Variants in USP9Y observed in about 807,000 individuals in gnomAD.
USP9Y encodes ubiquitin specific peptidase 9 Y-linked, also known as ubiquitin carboxyl-terminal hydrolase 9Y.
A neutral mutation model predicts 53.1 loss-of-function variants in USP9Y; 41 were observed. The ratio of observed to expected loss-of-function variants is 0.77; its 90% CI spans 0.60 to 1.00. The LOEUF (loss-of-function observed/expected upper bound fraction) is 1.00, where lower values mean the gene tolerates loss of function less well. USP9Y is among the 50% of genes least tolerant of loss of function. The pLI is 0.00. For missense variants in USP9Y, 567 were observed against 535.8 expected (o/e 1.06, Z -0.58); for synonymous variants, 220 against 173.7 (o/e 1.27, Z -2.09).
intron 12 of USP9Y, among the ~76,000 whole-genome samples, chrY:12,744,832 G>A: frequency 3.0e-5 from 1 of 33,563 alleles, no homozygotes; most frequent in Non-Finnish European, 7.4e-5. Context: ...TGCCTGTTAA[G>A]ATTTTGGGTG....
chrY:12,778,024 T>A lies in USP9Y; in HGVS notation c.2645T>A (p.Phe882Tyr). The A allele has an allele frequency of 2.5e-6, 1 of 393,727 alleles. No individual in the cohort carries two copies. Among genetic ancestry groups the A allele is most frequent in the Non-Finnish European group, 3.6e-6 (1 of 280,839 alleles). ...TTTACTTATTTATTTTTCAGAGCAT[T>A]TCGTGGCAAACACCTCTCTCTTATA... The part of the protein sequence containing the change: ...ERMILPMSRA[F>Y]RGKHLSLIVR... Residue 882 changes from phenylalanine (F) to tyrosine (Y), a missense_variant, in exon 20 of 46, where the codon TTT (phenylalanine) becomes TAT (tyrosine). By Grantham distance (22) the Phe-to-Tyr change is conservative (BLOSUM62 3). Transcript: ENST00000338981.
At chrY:12,808,476 A>G (rs2148288657) in intron 27 of USP9Y, among the ~76,000 whole-genome samples, 4 of 33,465 alleles carry the variant, frequency 1.2e-4, no homozygotes, top group Non-Finnish European at 3.0e-4. Flanking sequence ...ACACCACAAG[A>G]CTTTCCTACC....
Position 12,810,808 on chromosome Y carries a change from A to G in USP9Y, c.4229A>G (p.Lys1410Arg). 1 of 397,716 alleles carries G rather than the reference A, an allele frequency of 2.5e-6. No individual in the cohort carries two copies. Among genetic ancestry groups the G allele is most frequent in the Non-Finnish European group, 3.5e-6 (1 of 282,621 alleles). Reference protein sequence around the residue: ...VLLVSEIDWLKRIRDNVKNTG... With the variant: ...VLLVSEIDWLRRIRDNVKNTG... ...CTTGTCAGTGAAATTGATTGGCTCAAAAGGATTAGGGTAAGTTGAATAGTA... is the reference window on the plus strand; with the variant it reads ...CTTGTCAGTGAAATTGATTGGCTCAGAAGGATTAGGGTAAGTTGAATAGTA... Residue 1410 changes from lysine (K) to arginine (R), a missense_variant, in exon 29 of 46, where the codon AAA becomes AGA. By Grantham distance (26) the Lys-to-Arg change is conservative. Coordinates refer to ENST00000338981, the MANE Select transcript of USP9Y (RefSeq NM_004654.4).
intron 40 of USP9Y, 36 bp from the exon 41 acceptor site, chrY:12,846,897 T>C (rs2053566878): frequency 1.3e-5 from 4 of 301,950 alleles, no homozygotes; most frequent in Non-Finnish European, 2.0e-5. Context: ...TGTGAGGAAT[T>C]CTATTGGTTT....
intron 27 of USP9Y, among the ~76,000 whole-genome samples, chrY:12,805,346 T>A (rs753210778): frequency 3.0e-5 from 1 of 33,223 alleles, no homozygotes; most frequent in Admixed American, 2.8e-4. Flanking sequence ...GTATGCTTTT[T>A]CCCCCCTTCT....
At chrY:12,716,206 C>A in intron 3 of USP9Y, among the ~76,000 whole-genome samples, 1 of 33,866 alleles carries the variant, frequency 3.0e-5, no homozygotes. Context: ...AACCTGTTAG[C>A]ATGAGTTGAA....
intron 25 of USP9Y, 39 bp downstream of exon 25, chrY:12,790,571 A>G: frequency 1.4e-5 from 5 of 370,233 alleles, no homozygotes; most frequent in Non-Finnish European, 1.9e-5. Context: ...ATCTTGAATG[A>G]TCTCTACTTA....
intron 27 of USP9Y, among the ~76,000 whole-genome samples, chrY:12,793,537 T>C: frequency 3.0e-5 from 1 of 33,465 alleles, no homozygotes; most frequent in East Asian, 7.6e-4. Context: ...TGTGCAGTTA[T>C]GACTGGTGTA....
chrY:12,834,692 G>A (rs929136243), intron 34 of USP9Y, among the ~76,000 whole-genome samples: 2 of 33,313 alleles, frequency 6.0e-5, no homozygotes, highest in African/African-American at 1.2e-4. Context: ...GGCTAAAAGC[G>A]GCTGCTAATC....
chrY:12,847,991 G>A (rs2053568589), intron 42 of USP9Y, among the ~76,000 whole-genome samples: 1 of 32,886 alleles, frequency 3.0e-5, no homozygotes, highest in Admixed American at 2.8e-4. Flanking sequence ...GGGTATATAC[G>A]CAGTAATGGG....
chrY:12,831,322 A>G, intron 33 of USP9Y, among the ~76,000 whole-genome samples: 1 of 33,724 alleles, frequency 3.0e-5, no homozygotes, highest in Admixed American at 2.7e-4. Flanking sequence ...GTATTGAAAT[A>G]CCATTTTAGA....
Position 12,857,659 on chromosome Y carries a change from C to G in USP9Y, c.7528C>G (p.Gln2510Glu). ...TCATTCACCTGCCTCTCAGTATCAA[C>G]AGGTAAAAAGGATTTTTCATTTTTA... ...YPHSPASQYQ[Q>E]NNHVHGQPYT... Residue 2510 changes from glutamine (Q) to glutamate (E), a missense_variant and splice_region_variant, in exon 45 of 46, where the codon CAG (glutamine) becomes GAG (glutamate). Physicochemically the swap from Gln to Glu is conservative, Grantham distance 29 (BLOSUM62 2). Coordinates refer to ENST00000338981, the MANE Select transcript of USP9Y (RefSeq NM_004654.4). The G allele has an allele frequency of 5.3e-6, 2 of 376,059 alleles. No individual in the cohort carries two copies. Among genetic ancestry groups the G allele is most frequent in the Non-Finnish European group, 7.4e-6 (2 of 268,759 alleles). 93.8% of individuals were successfully genotyped at this position (376,059 alleles called of 400,897 possible).
intron 1 of USP9Y, among the ~76,000 whole-genome samples, chrY:12,705,752 A>T: frequency 6.1e-5 from 2 of 32,911 alleles, no homozygotes; most frequent in Non-Finnish European, 1.5e-4. Context: ...TCATGTGGTT[A>T]TTATATGCAT....
chrY:12,706,763 T>C, intron 1 of USP9Y, among the ~76,000 whole-genome samples: 1 of 33,812 alleles, frequency 3.0e-5, no homozygotes, highest in African/African-American at 1.2e-4. Flanking sequence ...GAGAAGACTA[T>C]ATGATAAGAT....
chrY:12,756,555 G>A, intron 12 of USP9Y, among the ~76,000 whole-genome samples: 1 of 32,928 alleles, frequency 3.0e-5, no homozygotes. Flanking sequence ...TACTTTTCAG[G>A]GACTATTTTC....
chrY:12,778,374 C>A, intron 20 of USP9Y, 115 bp downstream of exon 20: 1 of 224,943 alleles, frequency 4.4e-6, no homozygotes, highest in African/African-American at 7.7e-5. Context: ...GGGCATCTAA[C>A]TATTATGTAC....
intron 22 of USP9Y, among the ~76,000 whole-genome samples, chrY:12,783,489 A>G (rs2053499580): frequency 3.0e-5 from 1 of 33,322 alleles, no homozygotes; most frequent in African/African-American, 1.2e-4. Flanking sequence ...TACTGGTGCA[A>G]TTTATTGTGC....
intron 3 of USP9Y, among the ~76,000 whole-genome samples, chrY:12,714,502 G>A (rs764893308): frequency 2.2e-4 from 7 of 31,950 alleles, no homozygotes; most frequent in Admixed American, 1.7e-3. Context: ...GTGCGGTGGC[G>A]GGATCTTGGC....
intron 16 of USP9Y, among the ~76,000 whole-genome samples, chrY:12,772,516 G>C: frequency 3.2e-5 from 1 of 31,636 alleles, no homozygotes; most frequent in Non-Finnish European, 7.6e-5. Context: ...TGTAATCCCA[G>C]CACTTTGGGA....
Sources: gnomAD v4.1 joint callset for allele counts (sites outside exome capture counted in the v4.1 genomes callset) on GRCh38, gnomAD v4.1.1 for gene constraint, MANE v1.5 for transcripts, NCBI Gene and HGNC (gene_info 2026-07-23, HGNC 2026-07-21) for gene names.